PNPLA7: variants seen among roughly 807,000 people sequenced by gnomAD.
The protein encoded by PNPLA7 is patatin like domain 7, lysophospholipase, also known as patatin-like phospholipase domain-containing protein 7.
A neutral mutation model predicts 161.7 loss-of-function variants in PNPLA7; 153 were observed. That is an observed-to-expected ratio of 0.95 (90% confidence interval 0.83 to 1.08). PNPLA7 has a LOEUF of 1.08. PNPLA7 is among the 50% of genes least tolerant of loss of function. PNPLA7 has a pLI of 0.00. For synonymous variants in PNPLA7, 809 were observed against 782.1 expected (o/e 1.03, Z -0.57); for missense variants, 1,739 against 1,856.6 (o/e 0.94, Z 1.16).
intron 12 of PNPLA7, among the ~76,000 whole-genome samples, chr9:137,506,364 G>T (rs988756859): frequency 1.3e-5 from 2 of 152,176 alleles, no homozygotes; most frequent in African/African-American, 4.8e-5. Context: ...CCTAAAACAC[G>T]GAAGGAAACC....
intron 19 of PNPLA7, among the ~76,000 whole-genome samples, chr9:137,494,555 C>T (rs1832936485): frequency 6.6e-6 from 1 of 152,132 alleles, no homozygotes; most frequent in Admixed American, 6.5e-5. Flanking sequence ...TCACCCGCGC[C>T]CTCACCTGCT....
intron 12 of PNPLA7, among the ~76,000 whole-genome samples, chr9:137,510,617 CG>C (rs1834172309): frequency 6.6e-6 from 1 of 152,200 alleles, no homozygotes; most frequent in Non-Finnish European, 1.5e-5. Context: ...GCCAGACATT[CG>C]GGGCCACTAC....
At chr9:137,515,287 G>A (rs569006707) in intron 12 of PNPLA7, 92 bp downstream of exon 12, 8 of 1,487,006 alleles carry the variant, frequency 5.4e-6, no homozygotes, top group Admixed American at 4.5e-5. Flanking sequence ...CCGCCTCGGC[G>A]GCGATGCTGG....
In PNPLA7 at chr9:137,498,164, G is replaced by A. The variant is rs61754920; in HGVS notation, c.1839C>T (p.Ile613=). Reference sequence around the variant, plus strand: ...CCTCCACCCAGTCCAGGGCAAAGTCGATTTGCCGCACGAAGGACGACATCC... The same window carrying A: ...CCTCCACCCAGTCCAGGGCAAAGTCAATTTGCCGCACGAAGGACGACATCC... ...VKRMSSFVRQ[I]DFALDWVEVE... The change falls in exon 17 of 35, where the codon ATC becomes ATT. Residue 613 remains isoleucine, a synonymous_variant. Transcript: ENST00000406427. 167,806 of 1,612,826 alleles carry A rather than the reference G, an allele frequency of 0.1. 11,769 individuals are homozygous for A. Among genetic ancestry groups the A allele is most frequent in the African/African-American group, 0.33 (24,928 of 75,006 alleles).
intron 22 of PNPLA7, 29 bp downstream of exon 22, chr9:137,480,931 A>C (rs771224609): frequency 6.5e-7 from 1 of 1,550,222 alleles, no homozygotes; most frequent in African/African-American, 1.4e-5. Context: ...GCCGGCTGGG[A>C]GGAAGGAGTC....
chr9:137,487,897 C>T lies in PNPLA7; in HGVS notation c.2198-3161G>A, dbSNP rs543375401. On this transcript the variant is annotated intron_variant, in intron 20 of 34. Transcript: ENST00000406427. Reference sequence around the variant, plus strand: ...GAGGTGTCCCCAGCATCACCTTCACCGCACGCACTTCAGCCCCTCACTGCA... The same window carrying T: ...GAGGTGTCCCCAGCATCACCTTCACTGCACGCACTTCAGCCCCTCACTGCA... 2.6e-5 allele frequency among the ~76,000 whole-genome samples: 4 copies of T among 152,356 alleles called. No homozygotes were observed. In the East Asian group the frequency reaches 7.7e-4, roughly 29 times the overall value.
chr9:137,530,935 C>T (rs1369768925), intron 8 of PNPLA7, among the ~76,000 whole-genome samples: 1 of 152,176 alleles, frequency 6.6e-6, no homozygotes, highest in Non-Finnish European at 1.5e-5. Flanking sequence ...CTCCAAAGCA[C>T]AACTGGCCGA....
chr9:137,538,082 C>A (rs562360905), intron 8 of PNPLA7, among the ~76,000 whole-genome samples: 1 of 152,312 alleles, frequency 6.6e-6, no homozygotes, highest in South Asian at 2.1e-4. Flanking sequence ...CAAAGAGGTG[C>A]ACAGAGGTGG....
intron 20 of PNPLA7, chr9:137,491,811 C>T (rs550135061): frequency 8.6e-5 from 85 of 985,432 alleles, no homozygotes; most frequent in Admixed American, 1.8e-4. Flanking sequence ...CCAGCTCACA[C>T]GCCAATGCCA....
chr9:137,508,438 G>C (rs543728438), intron 12 of PNPLA7, among the ~76,000 whole-genome samples: 11 of 151,924 alleles, frequency 7.2e-5, no homozygotes, highest in Non-Finnish European at 1.3e-4. Flanking sequence ...ATGGTGGTGG[G>C]CGCCTGTAAT....
rs190456486 is a variant in PNPLA7, at chr9:137,490,701, C to G, written c.2197+2312G>C. The stretch of plus-strand genomic sequence containing the variant: ...TTCTTCAACAGCAAGGAGACGAGCC[C>G]AGAAGGAAACCTGAGATGCCGCAAA... On this transcript the variant is annotated intron_variant, in intron 20 of 34. Transcript: ENST00000406427. The surrounding 1 kb of genome is among the most constrained non-coding windows in gnomAD (Gnocchi z 4.1). Among the ~76,000 whole-genome samples the G allele has an allele frequency of 1.7e-3, 263 of 152,258 alleles. No homozygotes were observed. Among genetic ancestry groups the G allele is most frequent in the African/African-American group, 6.2e-3 (256 of 41,526 alleles).
intron 30 of PNPLA7, 62 bp from the exon 31 acceptor site, chr9:137,462,393 C>A: frequency 6.5e-7 from 1 of 1,538,550 alleles, no homozygotes; most frequent in Non-Finnish European, 8.8e-7. Context: ...CAGCCTGGCC[C>A]GTGGCGCAGG....
rs531015862 is a variant in PNPLA7, at chr9:137,495,279, A to T, written c.2014-133T>A. On this transcript the variant is annotated intron_variant, in intron 18 of 34. Coordinates refer to ENST00000406427, the MANE Select transcript of PNPLA7 (RefSeq NM_001098537.3). Reference sequence around the variant, plus strand: ...TCCACACCGCAAGGCGGAGGCAGTCAGTGAGTGCTGGCGGGCGACGCTGTC... The same window carrying T: ...TCCACACCGCAAGGCGGAGGCAGTCTGTGAGTGCTGGCGGGCGACGCTGTC... The T allele has an allele frequency of 2.2e-4, 141 of 627,300 alleles. 2 individuals carry two copies. The Admixed American group carries it at 3.9e-3, about 17-fold the overall frequency. 38.9% of individuals were successfully genotyped at this position (627,300 alleles called of 1,614,324 possible).
intron 12 of PNPLA7, among the ~76,000 whole-genome samples, chr9:137,513,257 G>A (rs13440140): frequency 0.031 from 4,746 of 152,244 alleles, 241 homozygotes; most frequent in African/African-American, 0.11. Flanking sequence ...TTGGGAGGCT[G>A]AGGTGGGCGG....
chr9:137,546,071 C>G (rs532692271), intron 4 of PNPLA7, among the ~76,000 whole-genome samples: 37 of 152,264 alleles, frequency 2.4e-4, no homozygotes, highest in African/African-American at 7.5e-4. Flanking sequence ...GGTCACGCTC[C>G]TAGTCCGCCT....
At chr9:137,510,000 G>A (rs1420886359) in intron 12 of PNPLA7, among the ~76,000 whole-genome samples, 1 of 152,174 alleles carries the variant, frequency 6.6e-6, no homozygotes, top group South Asian at 2.1e-4. Flanking sequence ...AGGAGCTGAG[G>A]GGACAAAGTG....
At position 137,547,342 on chromosome 9, in the gene PNPLA7, TGAG is replaced by T. The variant is rs1836589901; in HGVS notation, c.157_159del (p.Leu53del). On this transcript the variant is annotated inframe_deletion, in exon 3 of 35. Coordinates refer to ENST00000406427, the MANE Select transcript of PNPLA7 (RefSeq NM_001098537.3). The surrounding 1 kb of genome is among the most constrained non-coding windows in gnomAD (Gnocchi z 4.6). ...CTAAGCCTTCTGAACATGAAAAGGA[TGAG>T]GACACCAACCAAGGCCAGGGCCAGG... 1 of 1,613,350 alleles carries T rather than the reference TGAG, an allele frequency of 6.2e-7. No homozygotes were observed. Among genetic ancestry groups the T allele is most frequent in the Non-Finnish European group, 8.5e-7 (1 of 1,179,992 alleles).
At chr9:137,514,648 A>T (rs1415216324) in intron 12 of PNPLA7, among the ~76,000 whole-genome samples, 7 of 99,340 alleles carry the variant, frequency 7.0e-5, no homozygotes, top group African/African-American at 2.9e-4. Flanking sequence ...GGTCACCCGG[A>T]TGTTGAGGTG....
At chr9:137,544,087 G>A (rs938387032) in intron 4 of PNPLA7, among the ~76,000 whole-genome samples, 6 of 152,150 alleles carry the variant, frequency 3.9e-5, no homozygotes, top group African/African-American at 7.2e-5. Context: ...TGGCCCCGCT[G>A]CCCCGAAGGC....
Sources: gnomAD v4.1 joint callset for allele counts (sites outside exome capture counted in the v4.1 genomes callset) on GRCh38, gnomAD v4.1.1 for gene constraint, Gnocchi (gnomAD v3.1) non-coding constraint, MANE v1.5 for transcripts, NCBI Gene and HGNC (gene_info 2026-07-23, HGNC 2026-07-21) for gene names.